ARSD: variants seen among roughly 807,000 people sequenced by gnomAD.
ARSD encodes testis tissue sperm-binding protein Li 39a.
Under a neutral mutation model 32.6 loss-of-function variants are expected in ARSD, and 21 were observed. The observed-to-expected ratio is 0.64, with a 90% CI of 0.46 to 0.93. The LOEUF (loss-of-function observed/expected upper bound fraction) is 0.93, where lower values mean the gene tolerates loss of function less well. Ranked by LOEUF, ARSD falls within the 40% of genes least tolerant of loss-of-function variation. The pLI is 0.00. For synonymous variants in ARSD, 224 were observed against 237.4 expected (o/e 0.94, Z 0.52); for missense variants, 454 against 520.9 (o/e 0.87, Z 1.25).
In ARSD at chrX:2,922,021, C is replaced by T. The variant is rs781000728; in HGVS notation, c.198G>A (p.Thr66=). ...CCTCTGCAAGCTGGTCAATATTCGG[C>T]GTTCTGAGCAAAGCACACAAATGTC... ...LGCYGNNTLR[T]PNIDQLAEEG... The change falls in exon 3 of 10, where the codon ACG becomes ACA. Residue 66 remains threonine (T), a synonymous_variant. Transcript: ENST00000381154. 8.8e-5 allele frequency: 105 copies of T among 1,199,251 alleles called. No individual in the cohort carries two copies. The highest frequency in any genetic ancestry group is 1.1e-4 in the Non-Finnish European group (96 of 889,963).
At chrX:2,928,201 G>A (rs1305751019) in intron 1 of ARSD, among the ~76,000 whole-genome samples, 1 of 108,887 alleles carries the variant, frequency 9.2e-6, no homozygotes, top group Non-Finnish European at 1.9e-5. Context: ...GCTAGAGGGT[G>A]GGGACATGGA....
At chrX:2,920,937 C>A (rs1457062552) in intron 3 of ARSD, among the ~76,000 whole-genome samples, 1 of 111,775 alleles carries the variant, frequency 8.9e-6, no homozygotes, top group Non-Finnish European at 1.9e-5. Flanking sequence ...ACCTACCGAC[C>A]TATCACACTA....
At chrX:2,908,634 C>G in intron 9 of ARSD, 87 bp downstream of exon 9, 1 of 826,802 alleles carries the variant, frequency 1.2e-6, no homozygotes, top group East Asian at 4.0e-5. Flanking sequence ...ATCCATTCAT[C>G]CATCCATCCA....
At position 2,907,277 on chromosome X, in the gene ARSD, G is replaced by A. The variant is rs1322263248; in HGVS notation, c.1776C>T (p.Thr592=). The A allele has an allele frequency of 8.3e-7, 1 of 1,204,570 alleles. No homozygotes were observed. The highest frequency in any genetic ancestry group is 2.2e-5 in the Admixed American group (1 of 45,608). ...FCSCHEDGDG[T]P ...TCTCTCACAGTCCTGGCATTCAGGGGGTGCCATCCCCATCCTCGTGGCATG... is the reference window on the plus strand; with the variant it reads ...TCTCTCACAGTCCTGGCATTCAGGGAGTGCCATCCCCATCCTCGTGGCATG... Residue 592 remains threonine, a synonymous_variant, in exon 10 of 10, where the codon ACC becomes ACT. Coordinates refer to ENST00000381154, the MANE Select transcript of ARSD (RefSeq NM_001669.4).
chrX:2,920,541 T>C, intron 4 of ARSD, 60 bp downstream of exon 4: 3 of 1,206,317 alleles, frequency 2.5e-6, no homozygotes, highest in Non-Finnish European at 3.4e-6. Flanking sequence ...TGGCCTGGGA[T>C]CTTTTTTATC....
intron 2 of ARSD, among the ~76,000 whole-genome samples, chrX:2,922,842 C>CAAAAAAAAAAAAAAAAAAAAAAAAAA (rs60380048): frequency 2.7e-4 from 12 of 43,717 alleles, no homozygotes; most frequent in Non-Finnish European, 3.9e-4. Flanking sequence ...GACCGTGTCT[C>CAAAAAAAAAAAAAAAAAAAAAAAAAA]AAAAAAAAAA....
In ARSD at chrX:2,906,454, T is replaced by C. The variant is rs967217478; in HGVS notation, c.*817A>G. 2 of 111,732 alleles carry C rather than the reference T, an allele frequency of 1.8e-5. No homozygotes were observed. Among genetic ancestry groups the C allele is most frequent in the Non-Finnish European group, 3.8e-5 (2 of 53,198 alleles). The allele number at this position is 111,732 out of a possible 1,213,427, so 9.2% of individuals were successfully genotyped here. On this transcript the variant is annotated 3_prime_UTR_variant, in exon 10 of 10. Transcript: ENST00000381154. ...ACCGTGCCTGGCTTTGTTTAAGGCA[T>C]TCTTTTTCCGCAGCATCTGTTACCA...
intron 6 of ARSD, chrX:2,913,803 G>C (rs45571040): frequency 0.019 from 15,690 of 813,435 alleles, 132 homozygotes; most frequent in Non-Finnish European, 0.023. Context: ...ATCGGCGGTG[G>C]GGCCTGGGGG....
rs1389929735 is a variant in ARSD, at chrX:2,905,037, A to G, written c.*2234T>C. Reference sequence around the variant, plus strand: ...CTCCACTCATCTTCTCTTTGGCTTCAGGTTGAGTTCAGCCAACAGATGCCC... The same window carrying G: ...CTCCACTCATCTTCTCTTTGGCTTCGGGTTGAGTTCAGCCAACAGATGCCC... On this transcript the variant is annotated 3_prime_UTR_variant, in exon 10 of 10. Transcript: ENST00000381154. 1 of 340,330 alleles carries G rather than the reference A, an allele frequency of 2.9e-6. No homozygotes were observed. Among genetic ancestry groups the G allele is most frequent in the Non-Finnish European group, 5.9e-6 (1 of 169,853 alleles). 28.0% of individuals were successfully genotyped at this position (340,330 alleles called of 1,213,427 possible). A position where few individuals can be genotyped will look rare whatever the true frequency, so the allele number is the denominator to read the frequency against.
Position 2,906,705 on chromosome X carries a change from G to A in ARSD, c.*566C>T, listed in dbSNP as rs973640749. The A allele has an allele frequency of 3.6e-5, 4 of 112,595 alleles. No homozygotes were observed. The highest frequency in any genetic ancestry group is 9.7e-5 in the African/African-American group (3 of 30,828). 9.3% of individuals were successfully genotyped at this position (112,595 alleles called of 1,213,427 possible). A position where few individuals can be genotyped will look rare whatever the true frequency, so the allele number is the denominator to read the frequency against. ...TGAAATTGCAACAATGCTTTAAGACGGAGGGGTGAAAACATCGGGCATTGG... is the reference window on the plus strand; with the variant it reads ...TGAAATTGCAACAATGCTTTAAGACAGAGGGGTGAAAACATCGGGCATTGG... On this transcript the variant is annotated 3_prime_UTR_variant, in exon 10 of 10. Coordinates refer to ENST00000381154, the MANE Select transcript of ARSD (RefSeq NM_001669.4).
chrX:2,908,038 C>T, intron 9 of ARSD: 1 of 604,925 alleles, frequency 1.7e-6, no homozygotes, highest in Non-Finnish European at 2.0e-6. Flanking sequence ...ACTTATCTAT[C>T]TATCGCTACC....
At chrX:2,919,430 G>C (rs965040028) in intron 4 of ARSD, among the ~76,000 whole-genome samples, 9 of 107,257 alleles carry the variant, frequency 8.4e-5, no homozygotes, top group African/African-American at 3.1e-4. Flanking sequence ...GGCTGGGTAA[G>C]GAATGAAGGA....
Position 2,909,982 on chromosome X carries a change from G to A in ARSD, c.1136-3C>T, listed in dbSNP as rs773190896. On this transcript the variant is annotated splice_polypyrimidine_tract_variant and splice_region_variant and intron_variant, in intron 7 of 9. Coordinates refer to ENST00000381154, the MANE Select transcript of ARSD (RefSeq NM_001669.4). Reference sequence around the variant, plus strand: ...CCATCCTCCCATGCCCTTCCCACCTGTAAGTAGAAGACATCGTTAGGATTT... The same window carrying A: ...CCATCCTCCCATGCCCTTCCCACCTATAAGTAGAAGACATCGTTAGGATTT... 5.0e-6 allele frequency: 6 copies of A among 1,210,227 alleles called. No homozygotes were observed. Among genetic ancestry groups the A allele is most frequent in the Middle Eastern group, 2.3e-4 (1 of 4,347 alleles).
intron 6 of ARSD, among the ~76,000 whole-genome samples, chrX:2,912,392 A>G (rs2088909591): frequency 9.0e-6 from 1 of 111,166 alleles, no homozygotes; most frequent in African/African-American, 3.3e-5. Flanking sequence ...GCCTTTCTGC[A>G]CTGAACCAAG....
rs368493682 is a variant in ARSD at position 2,915,020 on chromosome X, G to A, written c.1000+536C>T. On this transcript the variant is annotated intron_variant, in intron 6 of 9. Coordinates refer to ENST00000381154, the MANE Select transcript of ARSD (RefSeq NM_001669.4). ...CTCCCGAGTACCTGGGACTACAGGC[G>A]TGTACCATTATGCCTGGCTAAGCAT... Among the ~76,000 whole-genome samples the A allele has an allele frequency of 7.8e-3, 867 of 111,687 alleles. 3 individuals are homozygous for A. Among genetic ancestry groups the A allele is most frequent in the Non-Finnish European group, 0.013 (715 of 53,113 alleles).
chrX:2,914,956 C>A (rs1343341272), intron 6 of ARSD, among the ~76,000 whole-genome samples: 1 of 111,272 alleles, frequency 9.0e-6, no homozygotes, highest in Non-Finnish European at 1.9e-5. Flanking sequence ...TTCACTGCAG[C>A]CTTGACTTCC....
intron 4 of ARSD, among the ~76,000 whole-genome samples, 168 bp from the exon 5 acceptor site, chrX:2,918,395 A>AT (rs1382748446): frequency 8.9e-6 from 1 of 112,925 alleles, no homozygotes; most frequent in East Asian, 2.8e-4. Flanking sequence ...AAATGAACGC[A>AT]TTCTGATCCG....
rs182181628 is a variant in ARSD at position 2,905,017 on chromosome X, C to T, written c.*2254G>A. 212 of 338,063 alleles carry T rather than the reference C, an allele frequency of 6.3e-4. 1 individual carries two copies. Among genetic ancestry groups the T allele is most frequent in the African/African-American group, 5.6e-3 (205 of 36,864 alleles). 27.9% of individuals were successfully genotyped at this position (338,063 alleles called of 1,213,427 possible). On this transcript the variant is annotated 3_prime_UTR_variant, in exon 10 of 10. Coordinates refer to ENST00000381154, the MANE Select transcript of ARSD (RefSeq NM_001669.4). ...GCTCTATAAATGTTGCCTCTCTCCA[C>T]TCATCTTCTCTTTGGCTTCAGGTTG...
At chrX:2,922,842 C>CAAAAAAAAAAAAAA (rs60380048) in intron 2 of ARSD, among the ~76,000 whole-genome samples, 62 of 43,712 alleles carry the variant, frequency 1.4e-3, no homozygotes, top group Non-Finnish European at 2.0e-3. Flanking sequence ...GACCGTGTCT[C>CAAAAAAAAAAAAAA]AAAAAAAAAA....
Sources: gnomAD v4.1 joint callset for allele counts (sites outside exome capture counted in the v4.1 genomes callset) on GRCh38, gnomAD v4.1.1 for gene constraint, MANE v1.5 for transcripts, NCBI Gene and HGNC (gene_info 2026-07-23, HGNC 2026-07-21) for gene names.